The following SLC3A2 variants were observed in gnomAD, a reference collection of about 807,000 sequenced individuals.
The protein encoded by SLC3A2 is amino acid transporter heavy chain SLC3A2.
In SLC3A2, 32 loss-of-function variants were observed where a neutral mutation model predicts 48.5. The ratio of observed to expected loss-of-function variants is 0.66; its 90% CI spans 0.50 to 0.89. The LOEUF (loss-of-function observed/expected upper bound fraction) is 0.89, where lower values mean the gene tolerates loss of function less well. Ranked by LOEUF, SLC3A2 falls within the 40% of genes least tolerant of loss-of-function variation. The probability of loss-of-function intolerance (pLI) is 0.00; values close to 1 mark genes in which losing one functional copy is unlikely to be tolerated. For missense variants in SLC3A2, 587 were observed against 680.7 expected (o/e 0.86, Z 1.53); for synonymous variants, 277 against 288.8 (o/e 0.96, Z 0.41).
Position 62,857,164 on chromosome 11 carries a change from C to T in SLC3A2, c.112+783C>T, listed in dbSNP as rs2085339937. ...CAAGACGGAGGCTTGCTCTGTCGCC[C>T]AGGCTGGAGTGCAGTGGCGGGATGT... On this transcript the variant is annotated intron_variant, in intron 1 of 9. Coordinates refer to the SLC3A2 transcript ENST00000377889. 2.0e-5 allele frequency among the ~76,000 whole-genome samples: 3 copies of T among 152,052 alleles called. No individual in the cohort carries two copies. In the South Asian group the frequency reaches 6.2e-4, roughly 32 times the overall value.
chr11:62,857,787 G>A (rs2085354348), intron 1 of SLC3A2, among the ~76,000 whole-genome samples: 1 of 151,488 alleles, frequency 6.6e-6, no homozygotes, highest in South Asian at 2.1e-4. Context: ...TGGGGAGGTT[G>A]TGTGTGGGAA....
At chr11:62,886,306 GAAAA>G (rs2085713209) in intron 7 of SLC3A2, 1 of 150,848 alleles carries the variant, frequency 6.6e-6, no homozygotes, top group African/African-American at 2.4e-5. Context: ...AAAAAGAAAA[GAAAA>G]GAAAGAAAGA....
Position 62,888,145 on chromosome 11 carries a change from C to T in SLC3A2, c.1154C>T (p.Ala385Val), listed in dbSNP as rs1290494339. 1.2e-6 allele frequency: 2 copies of T among 1,613,628 alleles called. No individual in the cohort carries two copies. The highest frequency in any genetic ancestry group is 1.1e-5 in the South Asian group (1 of 91,068). ...TTCTCTGCTTTTCAGCCTATGGAGG[C>T]TCCAGTCATGCTGTGGGATGAGTCC... ...AAALPGQPME[A>V]PVMLWDESSF... is the part of the protein sequence containing the mutation. The change falls in exon 8 of 9, where the codon GCT becomes GTT. Residue 385 changes from alanine to valine, a missense_variant. Ala to Val is a moderately conservative substitution (Grantham distance 64). Around this residue, in one of 3 missense-constraint regions of SLC3A2, gnomAD observed 169 missense variants for 204.4 expected, o/e 0.83. Transcript: ENST00000338663.
chr11:62,870,473 C>T (rs1293815817), intron 1 of SLC3A2, among the ~76,000 whole-genome samples: 6 of 151,766 alleles, frequency 4.0e-5, no homozygotes, highest in Admixed American at 2.6e-4. Context: ...TGTGAGCCAC[C>T]GCGCCTGGCC....
chr11:62,882,785 T>G, intron 2 of SLC3A2, 123 bp from the exon 3 acceptor site: 2 of 840,930 alleles, frequency 2.4e-6, no homozygotes, highest in Non-Finnish European at 3.9e-6. Context: ...TTGCCCGGGT[T>G]CAAATTCAAG....
upstream of SLC3A2, among the ~76,000 whole-genome samples, chr11:62,877,153 T>C (rs575283863): frequency 1.3e-5 from 2 of 151,522 alleles, no homozygotes; most frequent in Admixed American, 1.3e-4. Context: ...CTCTGCCTCC[T>C]GGGTTCAAGT....
intron 1 of SLC3A2, among the ~76,000 whole-genome samples, chr11:62,867,201 A>T (rs1423377662): frequency 1.3e-5 from 2 of 151,660 alleles, no homozygotes; most frequent in Non-Finnish European, 1.5e-5. Flanking sequence ...CATGTTGGTC[A>T]GGCTGATCTT....
At chr11:62,864,193 G>T (rs1192645674) in intron 1 of SLC3A2, among the ~76,000 whole-genome samples, 4 of 152,160 alleles carry the variant, frequency 2.6e-5, no homozygotes, top group African/African-American at 9.7e-5. Flanking sequence ...TGAAGAGAGG[G>T]AGGGGTTTTA....
intron 1 of SLC3A2, among the ~76,000 whole-genome samples, chr11:62,872,371 C>G (rs1158349680): frequency 6.6e-6 from 1 of 152,134 alleles, no homozygotes; most frequent in Non-Finnish European, 1.5e-5. Context: ...AAAAATTAGC[C>G]AGGCATGGTT....
chr11:62,864,061 G>C (rs1465358089), intron 1 of SLC3A2, among the ~76,000 whole-genome samples: 1 of 152,150 alleles, frequency 6.6e-6, no homozygotes, highest in Non-Finnish European at 1.5e-5. Flanking sequence ...GTGGGCTGGA[G>C]ATATATTTCT....
chr11:62,870,859 ATT>A (rs781265682), intron 1 of SLC3A2: 2,182 of 128,748 alleles, frequency 0.017, 10 homozygotes, highest in East Asian at 0.03. Context: ...AATAATAATT[ATT>A]ATTATTATTA....
intron 1 of SLC3A2, among the ~76,000 whole-genome samples, chr11:62,868,139 C>G (rs1232393683): frequency 6.6e-6 from 1 of 151,882 alleles, no homozygotes; most frequent in Non-Finnish European, 1.5e-5. Context: ...CCAGGCTGGT[C>G]TCAAACTCCT....
chr11:62,869,903 C>A (rs1590623390), intron 1 of SLC3A2, among the ~76,000 whole-genome samples: 1 of 151,272 alleles, frequency 6.6e-6, no homozygotes, highest in East Asian at 2.0e-4. Flanking sequence ...CTGCCTCAGC[C>A]TCTTGAGTAG....
chr11:62,881,192 G>A lies in SLC3A2; in HGVS notation c.169G>A (p.Ala57Thr), dbSNP rs1474522307. 1 of 1,593,270 alleles carries A rather than the reference G, an allele frequency of 6.3e-7. No individual in the cohort carries two copies. Among genetic ancestry groups the A allele is most frequent in the South Asian group, 1.1e-5 (1 of 87,910 alleles). The change falls in exon 1 of 9, where the codon GCG (alanine) becomes ACG (threonine). Residue 57 changes from alanine (A) to threonine (T), a missense_variant. Around this residue, in one of 3 missense-constraint regions of SLC3A2, gnomAD observed 409 missense variants for 446.7 expected, o/e 0.92. Transcript: ENST00000338663. The surrounding 1 kb of genome is among the most constrained non-coding windows in gnomAD (Gnocchi z 4.0). ...VAEDEAEAAA[A>T]AKFTGLSKEE... is the part of the protein sequence containing the mutation. ...GGAAGACGAGGCGGAGGCGGCAGCC[G>A]CGGCTAAGTTCACGGGCCTGTCCAA...
chr11:62,885,284 C>A lies in SLC3A2; in HGVS notation c.926C>A (p.Ser309Tyr). ...AGCTCATACCTGTCTGATTCTGGTT[C>A]TACTGGGGAGCATACAAAATCCCTA... is the stretch of plus-strand genomic sequence containing the variant. The part of the protein sequence containing the change: ...LTSSYLSDSG[S>Y]TGEHTKSLVT... The change falls in exon 6 of 9, where the codon TCT (serine) becomes TAT (tyrosine). Residue 309 changes from serine to tyrosine, a missense_variant. Coordinates refer to ENST00000338663, the MANE Select transcript of SLC3A2 (RefSeq NM_001013251.3). The A allele has an allele frequency of 1.2e-6, 2 of 1,614,212 alleles. No individual in the cohort carries two copies. The highest frequency in any genetic ancestry group is 2.2e-5 in the South Asian group (2 of 91,088).
chr11:62,886,985 A>G (rs556186515), intron 7 of SLC3A2, among the ~76,000 whole-genome samples: 50 of 151,960 alleles, frequency 3.3e-4, no homozygotes, highest in Middle Eastern at 3.4e-3. Context: ...TGATCCTCCC[A>G]CCTTGGCCTC....
intron 1 of SLC3A2, among the ~76,000 whole-genome samples, chr11:62,863,416 C>T (rs2085422031): frequency 6.6e-6 from 1 of 152,138 alleles, no homozygotes; most frequent in Non-Finnish European, 1.5e-5. Context: ...GTGACAGTGC[C>T]TCACTATGGT....
chr11:62,856,220 G>C (rs764556657), exon 1 of SLC3A2: 29 of 1,480,216 alleles, frequency 2.0e-5, no homozygotes, highest in Admixed American at 1.4e-4. Context: ...ACCCTGTTCT[G>C]AGCTGCCCCT....
At chr11:62,878,765 C>CCG (rs891717460), upstream of SLC3A2, among the ~76,000 whole-genome samples, 1 of 149,394 alleles carries the variant, frequency 6.7e-6, no homozygotes, top group African/African-American at 2.5e-5. Context: ...GTGTGAGACA[C>CCG]CACGCCTGGC....
Sources: gnomAD v4.1 joint callset for allele counts (sites outside exome capture counted in the v4.1 genomes callset) on GRCh38, gnomAD v4.1.1 for gene constraint, gnomAD v4.1.1 regional missense constraint, Gnocchi (gnomAD v3.1) non-coding constraint, MANE v1.5 for transcripts, NCBI Gene and HGNC (gene_info 2026-07-23, HGNC 2026-07-21) for gene names.